ARHGAP22: variants seen among roughly 807,000 people sequenced by gnomAD.
ARHGAP22 encodes Rho GTPase activating protein 22, also known as rho GTPase-activating protein 22.
Under a neutral mutation model 59.1 loss-of-function variants are expected in ARHGAP22, and 48 were observed. The observed-to-expected ratio is 0.81, with a 90% CI of 0.64 to 1.03. The LOEUF (loss-of-function observed/expected upper bound fraction) is 1.03. Among genes scored for constraint, ARHGAP22 ranks in the 50% least tolerant of loss-of-function variants. The pLI, the probability that ARHGAP22 is intolerant of heterozygous loss-of-function variation, is 0.00. For synonymous variants in ARHGAP22, 445 were observed against 416.4 expected (o/e 1.07, Z -0.84); for missense variants, 1,015 against 958.7 (o/e 1.06, Z -0.78).
chr10:48,472,193 G>A (rs1402490067), intron 4 of ARHGAP22, among the ~76,000 whole-genome samples: 3 of 151,410 alleles, frequency 2.0e-5, no homozygotes, highest in African/African-American at 7.3e-5. Flanking sequence ...GGGTGACAGA[G>A]CAAGACTCAG....
At chr10:48,592,189 T>C (rs984220509) in intron 1 of ARHGAP22, among the ~76,000 whole-genome samples, 61 of 152,196 alleles carry the variant, frequency 4.0e-4, no homozygotes, top group African/African-American at 1.5e-3. Context: ...TTGTTTTCTC[T>C]CACTCTCTCT....
chr10:48,649,214 C>A (rs1411777680), intron 1 of ARHGAP22, among the ~76,000 whole-genome samples: 1 of 152,226 alleles, frequency 6.6e-6, no homozygotes, highest in African/African-American at 2.4e-5. Flanking sequence ...CAGCGCCCCT[C>A]TCTCTAAGTC....
intron 2 of ARHGAP22, among the ~76,000 whole-genome samples, chr10:48,564,747 C>A (rs1345198129): frequency 6.6e-6 from 1 of 152,240 alleles, no homozygotes. Context: ...TGATTTCCCT[C>A]TCTCTTCTGC....
chr10:48,446,992 T>G (rs1016444778), intron 9 of ARHGAP22, among the ~76,000 whole-genome samples: 10 of 152,054 alleles, frequency 6.6e-5, no homozygotes, highest in Non-Finnish European at 2.9e-5. Context: ...TGGCCTTTGC[T>G]CCTGTGCTGT....
At chr10:48,466,744 C>T (rs1271107423) in intron 4 of ARHGAP22, 3 of 150,136 alleles carry the variant, frequency 2.0e-5, no homozygotes, top group Admixed American at 6.6e-5. Flanking sequence ...TCTTGCCCGC[C>T]GCCCGCCCGC....
intron 1 of ARHGAP22, among the ~76,000 whole-genome samples, chr10:48,613,297 G>A (rs532526301): frequency 5.8e-4 from 88 of 152,294 alleles, no homozygotes; most frequent in South Asian, 2.1e-3. Context: ...GGTCACTGAT[G>A]AGCATCTAGT....
intron 1 of ARHGAP22, among the ~76,000 whole-genome samples, chr10:48,594,051 G>A (rs999994139): frequency 6.6e-6 from 1 of 152,176 alleles, no homozygotes; most frequent in Non-Finnish European, 1.5e-5. Flanking sequence ...TCCCCTTACA[G>A]GAGTTCTAAA....
intron 5 of ARHGAP22, among the ~76,000 whole-genome samples, chr10:48,459,160 C>A (rs2046879920): frequency 6.8e-6 from 1 of 146,274 alleles, no homozygotes; most frequent in South Asian, 2.3e-4. Context: ...CCAGGGGCAT[C>A]CAGGGCCTGG....
chr10:48,493,630 G>T, intron 3 of ARHGAP22: 1 of 1,440,080 alleles, frequency 6.9e-7, no homozygotes, highest in Non-Finnish European at 9.1e-7. Flanking sequence ...CTGCCTGTGG[G>T]CATCAGGCTG....
At chr10:48,580,190 T>C (rs572098440) in intron 2 of ARHGAP22, among the ~76,000 whole-genome samples, 2 of 152,252 alleles carry the variant, frequency 1.3e-5, no homozygotes, top group East Asian at 1.9e-4. Flanking sequence ...TCAGTTTAGA[T>C]TGGGCTTGAG....
At chr10:48,594,944 C>T (rs1277465174) in intron 1 of ARHGAP22, among the ~76,000 whole-genome samples, 1 of 143,070 alleles carries the variant, frequency 7.0e-6, no homozygotes, top group Non-Finnish European at 1.5e-5. Context: ...GCATGTGAAT[C>T]CTTATCTCAG....
chr10:48,544,222 G>A (rs895586019), intron 3 of ARHGAP22, among the ~76,000 whole-genome samples: 1 of 152,176 alleles, frequency 6.6e-6, no homozygotes, highest in Non-Finnish European at 1.5e-5. Context: ...TTGCCAAGTA[G>A]GCAGTTTCCC....
intron 3 of ARHGAP22, among the ~76,000 whole-genome samples, chr10:48,503,545 C>T (rs946179225): frequency 1.7e-4 from 26 of 152,250 alleles, no homozygotes; most frequent in African/African-American, 2.4e-5. Flanking sequence ...ACCCTGCTAA[C>T]ACCACGTACA....
chr10:48,431,997 A>G, the ARHGAP22 span, among the ~76,000 whole-genome samples: 3 of 152,232 alleles, frequency 2.0e-5, no homozygotes, highest in African/African-American at 7.2e-5. Flanking sequence ...TTGAAGTAAC[A>G]TAAGATTCCA....
chr10:48,652,164 C>A, intron 1 of ARHGAP22: 1 of 1,427,798 alleles, frequency 7.0e-7, no homozygotes, highest in African/African-American at 1.4e-5. Flanking sequence ...CTCCGGGGAC[C>A]CCATCCCTCA....
intron 1 of ARHGAP22, among the ~76,000 whole-genome samples, chr10:48,587,221 T>C (rs1159058194): frequency 6.6e-6 from 1 of 152,118 alleles, no homozygotes; most frequent in African/African-American, 2.4e-5. Flanking sequence ...CAGCAAGGGG[T>C]TGAGCAGGGC....
At chr10:48,518,572 C>G (rs2053516569) in intron 3 of ARHGAP22, among the ~76,000 whole-genome samples, 3 of 152,144 alleles carry the variant, frequency 2.0e-5, no homozygotes, top group Admixed American at 2.0e-4. Flanking sequence ...AAAAGCAGGC[C>G]ACGTGTGAGA....
chr10:48,440,271 AC>A, the ARHGAP22 span, among the ~76,000 whole-genome samples: 1 of 152,152 alleles, frequency 6.6e-6, no homozygotes, highest in Admixed American at 6.5e-5. Context: ...TTCATTTGAA[AC>A]CAAAAGATAC....
chr10:48,477,236 G>A (rs1264334315), intron 4 of ARHGAP22, among the ~76,000 whole-genome samples: 1 of 152,012 alleles, frequency 6.6e-6, no homozygotes, highest in African/African-American at 2.4e-5. Context: ...GTTTACTTCT[G>A]CCCTGTGTTT....
Sources: gnomAD v4.1 joint callset for allele counts (sites outside exome capture counted in the v4.1 genomes callset) on GRCh38, gnomAD v4.1.1 for gene constraint, MANE v1.5 for transcripts, NCBI Gene and HGNC (gene_info 2026-07-23, HGNC 2026-07-21) for gene names.